Variants in EXD3 observed in about 807,000 individuals in gnomAD.
The protein encoded by EXD3 is exonuclease mut-7 homolog.
A neutral mutation model predicts 98.0 loss-of-function variants in EXD3; 92 were observed. That is an observed-to-expected ratio of 0.94 (90% CI 0.79 to 1.12). EXD3 has a LOEUF of 1.12. Among genes scored for constraint, EXD3 ranks in the 50% most tolerant of loss-of-function variants. EXD3 has a pLI of 0.00. For missense variants in EXD3, 1,222 were observed against 1,191.6 expected, an observed-to-expected ratio of 1.03 and a Z score of -0.38; for synonymous variants, 569 against 526.0, an observed-to-expected ratio of 1.08 and a Z score of -1.12.
At chr9:137,354,045 C>A (rs576021705) in intron 10 of EXD3, 2 of 1,203,914 alleles carry the variant, frequency 1.7e-6, no homozygotes, top group Non-Finnish European at 2.1e-6. Flanking sequence ...TCTCAGCCCC[C>A]ACCCGGCCCC....
chr9:137,378,803 G>A (rs964984515), intron 3 of EXD3, among the ~76,000 whole-genome samples: 2 of 152,262 alleles, frequency 1.3e-5, no homozygotes, highest in African/African-American at 2.4e-5. Flanking sequence ...AAATCCAGAG[G>A]CAGAAAGCGG....
chr9:137,358,489 C>G (rs532050827), intron 7 of EXD3, among the ~76,000 whole-genome samples: 3 of 152,202 alleles, frequency 2.0e-5, no homozygotes, highest in Non-Finnish European at 4.4e-5. Flanking sequence ...CCGAAGCCAA[C>G]TGGCTCCTTG....
intron 19 of EXD3, among the ~76,000 whole-genome samples, chr9:137,312,226 C>A (rs531835593): frequency 1.3e-5 from 2 of 152,184 alleles, no homozygotes; most frequent in African/African-American, 4.8e-5. Flanking sequence ...GGCACCTCCA[C>A]CCCACCCCCT....
intron 1 of EXD3, among the ~76,000 whole-genome samples, chr9:137,399,906 G>T (rs994295603): frequency 2.6e-5 from 4 of 151,872 alleles, no homozygotes; most frequent in African/African-American, 9.7e-5. Context: ...GCGTGGTGGT[G>T]GTGCCTCCCA....
At position 137,307,035 on chromosome 9, in the gene EXD3, G is replaced by T; in HGVS notation, c.2546C>A (p.Ala849Asp). The T allele has an allele frequency of 6.2e-7, 1 of 1,612,254 alleles. No homozygotes were observed. The highest frequency in any genetic ancestry group is 8.5e-7 in the Non-Finnish European group (1 of 1,179,646). The change falls in exon 22 of 22, where the codon GCC becomes GAC. Residue 849 changes from alanine (A) to aspartate (D), a missense_variant. Ala to Asp is a moderately radical substitution (Grantham distance 126). Transcript: ENST00000340951. ...CTCCAGCATGTCTCGGAAGTGGGTG[G>T]CAACACGACCCAGGTGGGAGCCGTC... ...FWDGSHLGRV[A>D]THFRDMLESA... is the part of the protein sequence containing the mutation.
At chr9:137,316,233 C>T (rs1831650632) in intron 19 of EXD3, among the ~76,000 whole-genome samples, 1 of 151,754 alleles carries the variant, frequency 6.6e-6, no homozygotes, top group Non-Finnish European at 1.5e-5. Context: ...ACGGCCCCCG[C>T]CCCCGCGGCC....
intron 19 of EXD3, 71 bp from the exon 20 acceptor site, chr9:137,309,771 C>A (rs766255724): frequency 2.5e-6 from 3 of 1,188,974 alleles, no homozygotes; most frequent in South Asian, 1.3e-5. Context: ...GCCCTCTGCT[C>A]GCTCCTCGAA....
intron 17 of EXD3, among the ~76,000 whole-genome samples, chr9:137,340,378 G>T (rs1833584208): frequency 6.6e-6 from 1 of 152,054 alleles, no homozygotes. Flanking sequence ...TCAGGAGGCT[G>T]AGGCAGAAGA....
intron 7 of EXD3, among the ~76,000 whole-genome samples, chr9:137,358,015 G>A (rs1286770059): frequency 2.0e-5 from 3 of 152,058 alleles, no homozygotes; most frequent in African/African-American, 7.2e-5. Flanking sequence ...CTGAGATTAA[G>A]GGTGCGTCTG....
chr9:137,369,316 G>T (rs1396713482), intron 5 of EXD3, among the ~76,000 whole-genome samples: 3 of 152,134 alleles, frequency 2.0e-5, no homozygotes, highest in African/African-American at 7.2e-5. Flanking sequence ...TCACACAAGG[G>T]CTCTGATCCC....
chr9:137,418,804 T>A (rs913329979), intron 1 of EXD3, among the ~76,000 whole-genome samples: 6 of 152,086 alleles, frequency 3.9e-5, no homozygotes, highest in African/African-American at 1.4e-4. Flanking sequence ...AGACATTCTG[T>A]TTGCCTCACG....
rs1836570082 is a variant in EXD3 at position 137,385,941 on chromosome 9, T to C, written c.56-2564A>G. On this transcript the variant is annotated intron_variant, in intron 2 of 21. Coordinates refer to ENST00000340951, the MANE Select transcript of EXD3 (RefSeq NM_017820.5). This position sits in a 1 kb window ranked among gnomAD's most constrained non-coding sequence, Gnocchi z 4.4. ...CATGAGTGCCCTTAATGCCACTGAG[T>C]GTACACAGGAAAGTGGTTAAAATGG... Among the ~76,000 whole-genome samples the C allele has an allele frequency of 1.3e-5, 2 of 152,044 alleles. No homozygotes were observed. Among genetic ancestry groups the C allele is most frequent in the African/African-American group, 4.8e-5 (2 of 41,412 alleles).
chr9:137,307,310 G>A (rs562034308), intron 21 of EXD3, 47 bp from the exon 22 acceptor site: 49 of 1,445,908 alleles, frequency 3.4e-5, no homozygotes, highest in Admixed American at 8.1e-5. Flanking sequence ...CTTCGGGCAC[G>A]GCCCCCAGGC....
rs923177467 is a variant in EXD3 at position 137,395,670 on chromosome 9, G to C, written c.-47-266C>G. Among the ~76,000 whole-genome samples, 50 of 152,188 alleles carry C rather than the reference G, an allele frequency of 3.3e-4. No individual in the cohort carries two copies. Among genetic ancestry groups the C allele is most frequent in the Non-Finnish European group, 4.3e-4 (29 of 68,022 alleles). On this transcript the variant is annotated intron_variant, in intron 1 of 21. Transcript: ENST00000340951. The surrounding 1 kb of genome is among the most constrained non-coding windows in gnomAD (Gnocchi z 6.5). ...GGGCAGGGGGTGGGAGGGGCCCTGG[G>C]GGGGGGCACAGTAGACAGACCCTCG...
chr9:137,396,708 C>T (rs777547223), intron 1 of EXD3, among the ~76,000 whole-genome samples: 14 of 152,342 alleles, frequency 9.2e-5, no homozygotes, highest in East Asian at 3.9e-4. Context: ...GGACAGAGGC[C>T]GTTCCCAGCC....
Position 137,398,205 on chromosome 9 carries a change from C to T in EXD3, c.-47-2801G>A, listed in dbSNP as rs113784388. Among the ~76,000 whole-genome samples the T allele has an allele frequency of 4.5e-3, 690 of 152,316 alleles. 6 individuals are homozygous for T. The highest frequency in any genetic ancestry group is 4.4e-3 in the Non-Finnish European group (296 of 68,026). ...AAAGACAGAAGGAACTGTGGCTCCA[C>T]GGTCCACAGCCGGGCGCCCTCTGTT... is the stretch of plus-strand genomic sequence containing the variant. On this transcript the variant is annotated intron_variant, in intron 1 of 21. Transcript: ENST00000340951.
Position 137,348,881 on chromosome 9 carries a change from A to C in EXD3, c.1830+229T>G, listed in dbSNP as rs142639719. The stretch of plus-strand genomic sequence containing the variant: ...CCAAGTATCAGGAGGGGACTGGGGC[A>C]CTCAGGGGCACGGCTGCCTCCTGAG... On this transcript the variant is annotated intron_variant, in intron 16 of 21. Coordinates refer to ENST00000340951, the MANE Select transcript of EXD3 (RefSeq NM_017820.5). Among the ~76,000 whole-genome samples the C allele has an allele frequency of 7.2e-3, 1,093 of 151,816 alleles. 12 individuals are homozygous for C. Among genetic ancestry groups the C allele is most frequent in the African/African-American group, 0.025 (1,043 of 41,390 alleles).
chr9:137,401,722 G>A (rs1288823579), intron 1 of EXD3, among the ~76,000 whole-genome samples: 2 of 152,184 alleles, frequency 1.3e-5, no homozygotes, highest in Admixed American at 1.3e-4. Context: ...CTGGGACATG[G>A]GGCACCAAGT....
chr9:137,323,665 C>T (rs1241555076), intron 19 of EXD3, 60 bp downstream of exon 19: 1 of 1,583,618 alleles, frequency 6.3e-7, no homozygotes, highest in Non-Finnish European at 8.6e-7. Context: ...CCTCCCTGGA[C>T]ACCCCCGTAG....
Sources: gnomAD v4.1 joint callset for allele counts (sites outside exome capture counted in the v4.1 genomes callset) on GRCh38, gnomAD v4.1.1 for gene constraint, Gnocchi (gnomAD v3.1) non-coding constraint, MANE v1.5 for transcripts, NCBI Gene and HGNC (gene_info 2026-07-23, HGNC 2026-07-21) for gene names.